SLC4A5: variants seen among roughly 807,000 people sequenced by gnomAD.
SLC4A5 encodes solute carrier family 4 member 5.
A neutral mutation model predicts 120.4 loss-of-function variants in SLC4A5; 96 were observed. The ratio of observed to expected loss-of-function variants is 0.80; its 90% CI spans 0.68 to 0.94. The LOEUF (loss-of-function observed/expected upper bound fraction) is 0.94, where lower values mean the gene tolerates loss of function less well. Ranked by LOEUF, SLC4A5 falls within the 40% of genes least tolerant of loss-of-function variation. The probability of loss-of-function intolerance (pLI) is 0.00; values close to 1 mark genes in which losing one functional copy is unlikely to be tolerated. For synonymous variants in SLC4A5, 550 were observed against 571.1 expected (o/e 0.96, Z 0.53); for missense variants, 1,259 against 1,459.5 (o/e 0.86, Z 2.24).
At chr2:74,275,422 T>C (rs186680401) in intron 8 of SLC4A5, among the ~76,000 whole-genome samples, 21 of 152,328 alleles carry the variant, frequency 1.4e-4, no homozygotes, top group African/African-American at 5.1e-4. Context: ...TGTCTGTGTA[T>C]CCAGGAAGTC....
intron 7 of SLC4A5, among the ~76,000 whole-genome samples, chr2:74,304,084 C>T (rs906832093): frequency 6.6e-6 from 1 of 152,076 alleles, no homozygotes; most frequent in Non-Finnish European, 1.5e-5. Flanking sequence ...CTCCTGACCT[C>T]GTGATCCGCC....
chr2:74,243,029 T>C (rs1315659541), intron 19 of SLC4A5, among the ~76,000 whole-genome samples: 1 of 152,204 alleles, frequency 6.6e-6, no homozygotes, highest in African/African-American at 2.4e-5. Flanking sequence ...ATCTGCCAAA[T>C]GCAAGTTGAG....
intron 29 of SLC4A5, among the ~76,000 whole-genome samples, chr2:74,222,473 T>C (rs961985899): frequency 3.9e-5 from 6 of 152,132 alleles, no homozygotes; most frequent in East Asian, 1.9e-4. Flanking sequence ...TCCCAGGCCA[T>C]GGAACAGTAG....
chr2:74,234,881 G>C (rs1007172873), intron 22 of SLC4A5, among the ~76,000 whole-genome samples: 5 of 152,168 alleles, frequency 3.3e-5, no homozygotes, highest in African/African-American at 9.7e-5. Flanking sequence ...TCCTCACCTC[G>C]TGACTATAGA....
chr2:74,259,605 T>C (rs1467560080), exon 12 of SLC4A5: 1 of 1,613,982 alleles, frequency 6.2e-7, no homozygotes, highest in Non-Finnish European at 8.5e-7. Flanking sequence ...GTGTTTGGGG[T>C]GAGAGAAATG....
chr2:74,239,423 G>T (rs374606592), exon 21 of SLC4A5: 7 of 1,614,188 alleles, frequency 4.3e-6, no homozygotes, highest in Non-Finnish European at 5.9e-6. Context: ...GGACATGAGC[G>T]CCAGGTCTGG....
At chr2:74,293,310 A>G (rs543883380) in intron 7 of SLC4A5, among the ~76,000 whole-genome samples, 29 of 152,278 alleles carry the variant, frequency 1.9e-4, no homozygotes, top group African/African-American at 6.7e-4. Context: ...GTTCACGGGA[A>G]TCCTTCCTGG....
intron 4 of SLC4A5, among the ~76,000 whole-genome samples, chr2:74,331,098 C>T (rs371220469): frequency 6.4e-5 from 5 of 77,946 alleles, no homozygotes; most frequent in South Asian, 4.3e-4. Context: ...GTGATAGTGA[C>T]GTATAGATGG....
chr2:74,264,438 G>T, intron 9 of SLC4A5, 139 bp from the exon 10 acceptor site: 1 of 968,338 alleles, frequency 1.0e-6, no homozygotes, highest in Non-Finnish European at 1.5e-6. Flanking sequence ...GCCACTAGCT[G>T]TGGAAAACTG....
intron 24 of SLC4A5, 121 bp from the exon 25 acceptor site, chr2:74,231,429 G>T: frequency 1.2e-6 from 1 of 823,568 alleles, no homozygotes; most frequent in Non-Finnish European, 1.8e-6. Flanking sequence ...GAGGGCTTCT[G>T]CATGAAGCTC....
chr2:74,276,775 C>G (rs1022319288), intron 8 of SLC4A5, among the ~76,000 whole-genome samples: 1 of 147,330 alleles, frequency 6.8e-6, no homozygotes, highest in Non-Finnish European at 1.5e-5. Context: ...CCTCCTACCT[C>G]TGATCTGGGT....
At chr2:74,232,552 G>T in exon 24 of SLC4A5, 1 of 1,613,964 alleles carries the variant, frequency 6.2e-7, no homozygotes, top group South Asian at 1.1e-5. Context: ...CGATGGAGAT[G>T]ACCGTGGCAG....
chr2:74,254,651 C>A (rs186669062), exon 14 of SLC4A5: 30 of 1,613,992 alleles, frequency 1.9e-5, no homozygotes, highest in African/African-American at 2.7e-5. Flanking sequence ...ATGGCACGGC[C>A]AATTTCATTG....
In SLC4A5 at chr2:74,259,360, A is replaced by T. The variant is rs552676082; in HGVS notation, c.867+228T>A. 1.4e-3 allele frequency among the ~76,000 whole-genome samples: 210 copies of T among 152,158 alleles called. No individual in the cohort carries two copies. The highest frequency in any genetic ancestry group is 2.3e-3 in the Non-Finnish European group (154 of 67,982). On this transcript the variant is annotated intron_variant, in intron 12 of 30. Transcript: ENST00000394019. ...CTCATTTAATCATGTTCTCTGTCCC[A>T]CACCCCCAGGGCCTGACACAGAGCC...
At chr2:74,223,403 C>T (rs1280466899) in intron 28 of SLC4A5, among the ~76,000 whole-genome samples, 1 of 152,132 alleles carries the variant, frequency 6.6e-6, no homozygotes, top group Non-Finnish European at 1.5e-5. Context: ...CTGCAAATAC[C>T]CTGGGGTCCA....
At chr2:74,251,089 T>G (rs1214357605) in intron 16 of SLC4A5, among the ~76,000 whole-genome samples, 1 of 152,184 alleles carries the variant, frequency 6.6e-6, no homozygotes, top group Non-Finnish European at 1.5e-5. Context: ...GGAGCAGAGT[T>G]TCTCAACCTC....
intron 6 of SLC4A5, chr2:74,307,456 T>C (rs1672679140): frequency 1.6e-6 from 1 of 629,128 alleles, no homozygotes; most frequent in Non-Finnish European, 3.0e-6. Context: ...TCAATGACCT[T>C]GTGGAGCCCA....
chr2:74,260,033 GA>G (rs1671086610), intron 11 of SLC4A5, among the ~76,000 whole-genome samples: 1 of 152,214 alleles, frequency 6.6e-6, no homozygotes, highest in Non-Finnish European at 1.5e-5. Context: ...GAATTTGCTG[GA>G]GGGGGAGCAG....
exon 17 of SLC4A5, chr2:74,250,375 C>T (rs769599146): frequency 1.5e-5 from 24 of 1,614,128 alleles, no homozygotes; most frequent in Non-Finnish European, 1.9e-5. Context: ...CCCAGAAGCC[C>T]ACCAAAGGTG....
Sources: gnomAD v4.1 joint callset for allele counts (sites outside exome capture counted in the v4.1 genomes callset) on GRCh38, gnomAD v4.1.1 for gene constraint, MANE v1.5 for transcripts, NCBI Gene and HGNC (gene_info 2026-07-23, HGNC 2026-07-21) for gene names.